SAXO1: variants seen among roughly 807,000 people sequenced by gnomAD.
SAXO1 encodes the protein 4930500O09Rik.
SAXO1 carries 21 observed loss-of-function variants against 17.5 expected under a neutral mutation model. The ratio of observed to expected loss-of-function variants is 1.20; its 90% CI spans 0.85 to 1.72. SAXO1 has a LOEUF of 1.72. SAXO1 is among the 40% of genes most tolerant of loss of function. The probability of loss-of-function intolerance (pLI) is 0.00; values close to 1 mark genes in which losing one functional copy is unlikely to be tolerated. For synonymous variants in SAXO1, 274 were observed against 216.5 expected, an observed-to-expected ratio of 1.27 and a Z score of -2.33; for missense variants, 843 against 596.0, an observed-to-expected ratio of 1.41 and a Z score of -4.32.
rs1052448 is a variant in SAXO1 at position 18,928,041 on chromosome 9, A to G, written c.*11T>C. The G allele has an allele frequency of 0.15, 235,955 of 1,546,928 alleles. 19,212 individuals are homozygous for G. The highest frequency in any genetic ancestry group is 0.21 in the East Asian group (9,426 of 43,924). The stretch of plus-strand genomic sequence containing the variant: ...AGTACTGTGTAATTTCTAAATTACT[A>G]TTTTTCAAAATCAGGCTAACACTTC... On this transcript the variant is annotated 3_prime_UTR_variant, in exon 4 of 4. Coordinates refer to ENST00000380534, the MANE Select transcript of SAXO1 (RefSeq NM_153707.4).
intron 1 of SAXO1, among the ~76,000 whole-genome samples, chr9:18,998,441 G>A (rs1013513334): frequency 6.6e-6 from 1 of 152,112 alleles, no homozygotes; most frequent in African/African-American, 2.4e-5. Context: ...AATGAACAAA[G>A]CCTCCAAGAA....
upstream of SAXO1, among the ~76,000 whole-genome samples, chr9:19,037,436 G>A (rs377392803): frequency 2.3e-4 from 35 of 152,272 alleles, 2 homozygotes; most frequent in East Asian, 5.8e-3. Flanking sequence ...TTGTGGGAGG[G>A]ACCCAGTGGG....
At chr9:18,994,403 G>C (rs940006256) in intron 1 of SAXO1, among the ~76,000 whole-genome samples, 4 of 152,200 alleles carry the variant, frequency 2.6e-5, no homozygotes, top group Admixed American at 2.6e-4. Flanking sequence ...TATCTGGAAA[G>C]ATTTAGGACT....
chr9:18,965,157 A>G (rs1832662762), intron 1 of SAXO1, among the ~76,000 whole-genome samples: 1 of 152,212 alleles, frequency 6.6e-6, no homozygotes, highest in Non-Finnish European at 1.5e-5. Context: ...GCATTTGCTG[A>G]GAAGTGTTTT....
intron 1 of SAXO1, among the ~76,000 whole-genome samples, chr9:19,003,553 C>A (rs1401782209): frequency 1.3e-5 from 2 of 152,152 alleles, no homozygotes; most frequent in Non-Finnish European, 2.9e-5. Flanking sequence ...GACATATAGA[C>A]AAATGGAATA....
chr9:18,990,612 C>T (rs763398154), intron 1 of SAXO1, among the ~76,000 whole-genome samples: 1 of 152,166 alleles, frequency 6.6e-6, no homozygotes, highest in Non-Finnish European at 1.5e-5. Flanking sequence ...CAGTACCGAT[C>T]CGTAGCCTGT....
chr9:18,995,345 G>A (rs920621832), intron 1 of SAXO1, among the ~76,000 whole-genome samples: 2 of 152,140 alleles, frequency 1.3e-5, no homozygotes, highest in African/African-American at 4.8e-5. Flanking sequence ...AATTAATTCA[G>A]GGAACTTTCC....
At chr9:18,953,307 AC>A in intron 1 of SAXO1, among the ~76,000 whole-genome samples, 1 of 152,090 alleles carries the variant, frequency 6.6e-6, no homozygotes, top group East Asian at 1.9e-4. Context: ...CTTTCATATA[AC>A]CCCCTTTCCA....
chr9:18,945,644 C>T (rs1038629210), intron 2 of SAXO1, among the ~76,000 whole-genome samples: 1 of 152,128 alleles, frequency 6.6e-6, no homozygotes, highest in African/African-American at 2.4e-5. Flanking sequence ...GATGGGATTC[C>T]AAGCCCATGC....
intron 3 of SAXO1, among the ~76,000 whole-genome samples, chr9:18,930,416 G>T (rs1830990134): frequency 6.6e-6 from 1 of 152,144 alleles, no homozygotes; most frequent in African/African-American, 2.4e-5. Flanking sequence ...CAGACCATCA[G>T]GGCCAGCACA....
At chr9:18,960,732 G>A (rs1409778955) in intron 1 of SAXO1, among the ~76,000 whole-genome samples, 1 of 152,132 alleles carries the variant, frequency 6.6e-6, no homozygotes, top group African/African-American at 2.4e-5. Context: ...AGTGAGCTGT[G>A]TTCGGCCCCC....
chr9:19,000,852 T>C (rs1377750004), intron 1 of SAXO1, among the ~76,000 whole-genome samples: 6 of 152,312 alleles, frequency 3.9e-5, no homozygotes, highest in Non-Finnish European at 8.8e-5. Flanking sequence ...GGCCATTACA[T>C]AATGCTAAAG....
intron 1 of SAXO1, chr9:19,028,244 C>T (rs1471939216): frequency 1.3e-4 from 97 of 770,210 alleles, no homozygotes; most frequent in Non-Finnish European, 1.8e-4. Flanking sequence ...GCCGTAGTGG[C>T]GGGCGCCTGT....
chr9:18,949,702 A>T (rs1292280406), intron 2 of SAXO1, among the ~76,000 whole-genome samples: 1 of 152,150 alleles, frequency 6.6e-6, no homozygotes, highest in Non-Finnish European at 1.5e-5. Context: ...TTCCAGTCCT[A>T]TTCTGGAGAA....
intron 1 of SAXO1, among the ~76,000 whole-genome samples, chr9:18,996,079 C>A (rs78755626): frequency 6.4e-4 from 90 of 140,048 alleles, no homozygotes; most frequent in South Asian, 1.1e-3. Flanking sequence ...AACTACATCT[C>A]AAAAAAAAAA....
upstream of SAXO1, among the ~76,000 whole-genome samples, chr9:19,037,694 T>C (rs528126361): frequency 6.6e-6 from 1 of 152,310 alleles, no homozygotes; most frequent in East Asian, 1.9e-4. Context: ...ATCAGCAGTA[T>C]GAAAATTGAC....
intron 1 of SAXO1, among the ~76,000 whole-genome samples, chr9:19,032,362 G>A (rs140702219): frequency 6.6e-6 from 1 of 152,330 alleles, no homozygotes; most frequent in African/African-American, 2.4e-5. Context: ...GACCTGGCAG[G>A]CCAGGCGACT....
intron 1 of SAXO1, among the ~76,000 whole-genome samples, chr9:18,975,718 G>C (rs755937357): frequency 6.6e-6 from 1 of 152,124 alleles, no homozygotes; most frequent in Non-Finnish European, 1.5e-5. Flanking sequence ...AGTCAGATTT[G>C]GTTCAAACCC....
At chr9:19,021,863 A>G (rs1038267495) in intron 1 of SAXO1, among the ~76,000 whole-genome samples, 3 of 151,536 alleles carry the variant, frequency 2.0e-5, no homozygotes, top group African/African-American at 7.2e-5. Flanking sequence ...CACTCTGTAA[A>G]ATGGACCAAT....
Sources: allele counts gnomAD v4.1 joint callset (sites outside exome capture counted in the v4.1 genomes callset), GRCh38; gene constraint gnomAD v4.1.1; transcripts MANE v1.5; gene names NCBI Gene and HGNC (gene_info 2026-07-23, HGNC 2026-07-21).